TMEM233: variants seen among roughly 807,000 people sequenced by gnomAD.
TMEM233 encodes transmembrane protein 233.
A neutral mutation model predicts 11.2 loss-of-function variants in TMEM233; 6 were observed. The ratio of observed to expected loss-of-function variants is 0.54; its 90% CI spans 0.29 to 1.06. The LOEUF (loss-of-function observed/expected upper bound fraction) is 1.06. TMEM233 is among the 50% of genes least tolerant of loss of function. The probability of loss-of-function intolerance (pLI) is 0.08; values close to 1 mark genes in which losing one functional copy is unlikely to be tolerated. For synonymous variants in TMEM233, 59 were observed against 55.8 expected, an observed-to-expected ratio of 1.06 and a Z score of -0.26; for missense variants, 127 against 144.7, an observed-to-expected ratio of 0.88 and a Z score of 0.63.
chr12:119,653,115 C>T, the TMEM233 span, among the ~76,000 whole-genome samples: 28 of 152,168 alleles, frequency 1.8e-4, no homozygotes, highest in African/African-American at 6.0e-4. Flanking sequence ...ATCACTGGGC[C>T]GGGCACAGTG....
chr12:119,650,544 C>T, the TMEM233 span, among the ~76,000 whole-genome samples: 2 of 152,368 alleles, frequency 1.3e-5, no homozygotes, highest in African/African-American at 4.8e-5. Flanking sequence ...TCGTTGCAAA[C>T]TTGACATAAA....
chr12:119,615,065 C>A (rs1267234986), intron 1 of TMEM233, among the ~76,000 whole-genome samples: 3 of 151,212 alleles, frequency 2.0e-5, no homozygotes, highest in Non-Finnish European at 2.9e-5. Flanking sequence ...TTTCCCCCCT[C>A]CAGACCTTTA....
downstream of TMEM233, among the ~76,000 whole-genome samples, chr12:119,645,512 G>A (rs1955138952): frequency 6.6e-6 from 1 of 152,150 alleles, no homozygotes; most frequent in Non-Finnish European, 1.5e-5. Flanking sequence ...AGATGACTCA[G>A]GCATCACCTA....
the TMEM233 span, among the ~76,000 whole-genome samples, chr12:119,653,383 C>G: frequency 9.4e-6 from 1 of 106,136 alleles, no homozygotes; most frequent in Non-Finnish European, 1.9e-5. Context: ...CAGAGCGAGA[C>G]GCCACCTCAA....
chr12:119,623,270 A>G (rs909870070), intron 1 of TMEM233, among the ~76,000 whole-genome samples: 1 of 152,146 alleles, frequency 6.6e-6, no homozygotes, highest in Non-Finnish European at 1.5e-5. Flanking sequence ...TATTTTTCCT[A>G]TGGTTACAGC....
the TMEM233 span, among the ~76,000 whole-genome samples, chr12:119,653,286 G>A: frequency 6.6e-6 from 1 of 151,202 alleles, no homozygotes; most frequent in Non-Finnish European, 1.5e-5. Flanking sequence ...CAGCTGCTTG[G>A]GAGGCTGAGG....
At chr12:119,636,505 CAG>C (rs1248748908) in intron 2 of TMEM233, among the ~76,000 whole-genome samples, 5 of 152,076 alleles carry the variant, frequency 3.3e-5, no homozygotes, top group Non-Finnish European at 7.4e-5. Context: ...GTTTTTGAGA[CAG>C]GGGTCTCATT....
intron 1 of TMEM233, among the ~76,000 whole-genome samples, chr12:119,614,366 C>A (rs1041923700): frequency 2.6e-5 from 4 of 151,820 alleles, no homozygotes; most frequent in Non-Finnish European, 4.4e-5. Context: ...GAGATTGCAC[C>A]ACTGCACTCC....
At chr12:119,606,980 G>T (rs1344895521) in intron 1 of TMEM233, among the ~76,000 whole-genome samples, 7 of 152,206 alleles carry the variant, frequency 4.6e-5, no homozygotes, top group Non-Finnish European at 1.5e-5. Flanking sequence ...GAAGGGCCAA[G>T]TGGAAAAACA....
chr12:119,653,285 G>A, the TMEM233 span, among the ~76,000 whole-genome samples: 23 of 151,122 alleles, frequency 1.5e-4, no homozygotes, highest in Admixed American at 1.5e-3. Flanking sequence ...CCAGCTGCTT[G>A]GGAGGCTGAG....
chr12:119,619,545 G>T (rs984142633), intron 1 of TMEM233, among the ~76,000 whole-genome samples: 10 of 151,856 alleles, frequency 6.6e-5, no homozygotes, highest in African/African-American at 1.9e-4. Flanking sequence ...GGAGGCTGAG[G>T]TGGGAAGATC....
intron 1 of TMEM233, among the ~76,000 whole-genome samples, chr12:119,605,409 CTTTTTTTTTTTTTTTTTTTT>C (rs6144897): frequency 2.1e-5 from 2 of 93,642 alleles, no homozygotes; most frequent in East Asian, 7.9e-4. Flanking sequence ...TATGCCTTTC[CTTTTTTTTTTTTTTTTTTTT>C]TTTTTTTTTT....
intron 1 of TMEM233, among the ~76,000 whole-genome samples, chr12:119,604,317 C>G (rs1325192571): frequency 6.6e-6 from 1 of 152,186 alleles, no homozygotes; most frequent in Non-Finnish European, 1.5e-5. Flanking sequence ...AAAGTTAAGT[C>G]TTTTCTTTCC....
At chr12:119,634,362 A>G in intron 2 of TMEM233, 1 of 752,502 alleles carries the variant, frequency 1.3e-6, no homozygotes, top group Non-Finnish European at 1.6e-6. Context: ...CTGTAATCCA[A>G]TACCTTGGGC....
At chr12:119,634,794 G>A (rs927456147) in intron 2 of TMEM233, among the ~76,000 whole-genome samples, 5 of 152,148 alleles carry the variant, frequency 3.3e-5, no homozygotes, top group Admixed American at 6.5e-5. Flanking sequence ...CTTCCTTGGC[G>A]TAGTCTCAGA....
chr12:119,647,900 A>C (rs147822574), downstream of TMEM233, among the ~76,000 whole-genome samples: 2 of 150,554 alleles, frequency 1.3e-5, no homozygotes, highest in East Asian at 3.9e-4. Flanking sequence ...TTTTAATGAT[A>C]CCCCGCAAAG....
rs1953966635 is a variant in TMEM233, at chr12:119,593,852, T to C, written c.4T>C (p.Ser2Pro). The change falls in exon 1 of 3, where the codon TCT becomes CCT. Residue 2 changes from serine to proline, a missense_variant. Ser to Pro is a moderately conservative substitution (Grantham distance 74, BLOSUM62 -1). Transcript: ENST00000426426. The surrounding 1 kb of genome is among the most constrained non-coding windows in gnomAD (Gnocchi z 4.1). M[S>P]QYAPSPDFKR... ...CCCGGCGCCGCCGGCCTCGCCCATG[T>C]CTCAGTACGCCCCTAGCCCGGACTT... The C allele has an allele frequency of 6.4e-7, 1 of 1,551,268 alleles. No individual in the cohort carries two copies. The highest frequency in any genetic ancestry group is 1.2e-5 in the South Asian group (1 of 84,032).
intron 1 of TMEM233, among the ~76,000 whole-genome samples, chr12:119,599,445 G>A (rs12367226): frequency 0.056 from 8,410 of 150,864 alleles, 314 homozygotes; most frequent in Middle Eastern, 0.099. Context: ...AAAAAAAATC[G>A]TAGTAAATGA....
At chr12:119,635,137 G>A (rs1034494951) in intron 2 of TMEM233, among the ~76,000 whole-genome samples, 1 of 152,170 alleles carries the variant, frequency 6.6e-6, no homozygotes, top group Non-Finnish European at 1.5e-5. Flanking sequence ...ATCAATCCTA[G>A]TAATTCAAAC....
Sources: allele counts gnomAD v4.1 joint callset (sites outside exome capture counted in the v4.1 genomes callset), GRCh38; gene constraint gnomAD v4.1.1; non-coding constraint Gnocchi (gnomAD v3.1); transcripts MANE v1.5; gene names NCBI Gene and HGNC (gene_info 2026-07-23, HGNC 2026-07-21).